The following FAF1 variants were observed in gnomAD, a reference collection of about 807,000 sequenced individuals.
FAF1 encodes Fas associated factor 1, also known as FAS-associated factor 1.
In FAF1, 25 loss-of-function variants were observed where a neutral mutation model predicts 92.5. The observed-to-expected ratio is 0.27, with a 90% CI of 0.20 to 0.38. The LOEUF is 0.38. Among genes scored for constraint, FAF1 ranks in the 10% least tolerant of loss-of-function variants. The pLI is 1.00. For synonymous variants in FAF1, 234 were observed against 273.2 expected (o/e 0.86, Z 1.42); for missense variants, 636 against 793.3 (o/e 0.80, Z 2.38).
intron 2 of FAF1, among the ~76,000 whole-genome samples, chr1:50,808,598 A>G (rs1445044396): frequency 6.6e-6 from 1 of 151,920 alleles, no homozygotes; most frequent in East Asian, 1.9e-4. Flanking sequence ...CAAAAACTCA[A>G]CAAAGCAGAG....
intron 4 of FAF1, among the ~76,000 whole-genome samples, chr1:50,752,233 A>G (rs994094007): frequency 7.2e-5 from 11 of 152,092 alleles, no homozygotes; most frequent in African/African-American, 2.7e-4. Context: ...GGCCTCCCCA[A>G]AGTGCTAGGA....
chr1:50,762,209 A>G (rs1660356024), intron 4 of FAF1, among the ~76,000 whole-genome samples: 1 of 152,216 alleles, frequency 6.6e-6, no homozygotes, highest in Non-Finnish European at 1.5e-5. Context: ...CAAATGGAAG[A>G]ACATTCCATG....
chr1:50,936,502 G>A (rs1337220255), intron 1 of FAF1, among the ~76,000 whole-genome samples: 2 of 152,172 alleles, frequency 1.3e-5, no homozygotes, highest in Admixed American at 6.6e-5. Flanking sequence ...AATGACGTAA[G>A]TTCAAGAAAA....
chr1:50,464,792 T>C (rs151066911), intron 18 of FAF1, among the ~76,000 whole-genome samples: 7 of 152,318 alleles, frequency 4.6e-5, no homozygotes, highest in Non-Finnish European at 8.8e-5. Context: ...ACTTGAAAGA[T>C]GAAGTAGCTG....
chr1:50,606,489 C>CTTTTTTT (rs34498946), intron 8 of FAF1, among the ~76,000 whole-genome samples: 3 of 58,556 alleles, frequency 5.1e-5, no homozygotes, highest in Non-Finnish European at 9.4e-5. Flanking sequence ...GTGAGAGTTG[C>CTTTTTTT]TTTTTTTTTT....
chr1:50,607,293 G>A (rs901820556), intron 8 of FAF1, among the ~76,000 whole-genome samples: 20 of 152,100 alleles, frequency 1.3e-4, no homozygotes, highest in Non-Finnish European at 2.2e-4. Context: ...CAAAGGACCT[G>A]GGTTAAAACT....
intron 18 of FAF1, among the ~76,000 whole-genome samples, chr1:50,465,815 A>G (rs1417785143): frequency 6.6e-6 from 1 of 152,192 alleles, no homozygotes; most frequent in Non-Finnish European, 1.5e-5. Flanking sequence ...AGCACTATCT[A>G]GAGGAAGACT....
At chr1:50,852,110 A>G (rs934828390) in intron 2 of FAF1, among the ~76,000 whole-genome samples, 2 of 152,200 alleles carry the variant, frequency 1.3e-5, no homozygotes, top group Non-Finnish European at 2.9e-5. Flanking sequence ...TAGAAAAAAA[A>G]TGCAAAGAAA....
chr1:50,571,423 C>T (rs1314241705), intron 12 of FAF1, among the ~76,000 whole-genome samples: 2 of 152,134 alleles, frequency 1.3e-5, no homozygotes, highest in African/African-American at 2.4e-5. Context: ...TTGTAAGCAT[C>T]GCAGATAATG....
At chr1:50,552,066 G>A (rs114827875) in intron 13 of FAF1, among the ~76,000 whole-genome samples, 2,026 of 152,118 alleles carry the variant, frequency 0.013, 43 homozygotes, top group African/African-American at 0.045. Flanking sequence ...TTGCCAAGGC[G>A]GGCGGATCAC....
At chr1:50,863,420 G>A (rs1644452302) in intron 1 of FAF1, among the ~76,000 whole-genome samples, 2 of 151,742 alleles carry the variant, frequency 1.3e-5, no homozygotes, top group Non-Finnish European at 2.9e-5. Context: ...GTCTCAAAGA[G>A]CACAAATAGA....
At chr1:50,749,855 G>A (rs1483589940) in intron 4 of FAF1, among the ~76,000 whole-genome samples, 1 of 151,572 alleles carries the variant, frequency 6.6e-6, no homozygotes, top group African/African-American at 2.4e-5. Flanking sequence ...AATGACAACC[G>A]TAGAACAAAC....
intron 1 of FAF1, among the ~76,000 whole-genome samples, chr1:50,930,706 G>A (rs1403779757): frequency 1.3e-5 from 2 of 152,068 alleles, no homozygotes; most frequent in African/African-American, 4.8e-5. Context: ...ATGGTGGCGG[G>A]TGCCTGTAGT....
chr1:50,532,798 A>G (rs1375935495), intron 15 of FAF1, among the ~76,000 whole-genome samples: 1 of 152,060 alleles, frequency 6.6e-6, no homozygotes, highest in Admixed American at 6.6e-5. Flanking sequence ...AAAATATTTT[A>G]AAATTTATCT....
At chr1:50,953,646 G>A (rs766484650) in intron 1 of FAF1, among the ~76,000 whole-genome samples, 15 of 151,854 alleles carry the variant, frequency 9.9e-5, no homozygotes, top group Non-Finnish European at 1.9e-4. Flanking sequence ...GGCTGAGGGA[G>A]GAGAATCGCT....
intron 15 of FAF1, among the ~76,000 whole-genome samples, chr1:50,522,118 T>C (rs2149030274): frequency 6.6e-6 from 1 of 152,324 alleles, no homozygotes; most frequent in South Asian, 2.1e-4. Context: ...AAGAGAAACT[T>C]TCTTATTCTA....
chr1:50,663,329 G>A (rs1357292730), intron 7 of FAF1, among the ~76,000 whole-genome samples: 1 of 151,470 alleles, frequency 6.6e-6, no homozygotes, highest in South Asian at 2.1e-4. Context: ...TGAGTGCCCA[G>A]CAATCTCTGT....
chr1:50,869,490 G>C (rs879369513), intron 1 of FAF1, among the ~76,000 whole-genome samples: 2 of 151,942 alleles, frequency 1.3e-5, no homozygotes, highest in Admixed American at 1.3e-4. Flanking sequence ...GTTTGTTGTT[G>C]CATGTTTTAG....
At chr1:50,949,362 C>T (rs542538702) in intron 1 of FAF1, among the ~76,000 whole-genome samples, 6 of 152,336 alleles carry the variant, frequency 3.9e-5, no homozygotes, top group African/African-American at 1.4e-4. Context: ...TCTTTACTAT[C>T]GGGCGATGCC....
Sources: allele counts gnomAD v4.1 joint callset (sites outside exome capture counted in the v4.1 genomes callset), GRCh38; gene constraint gnomAD v4.1.1; transcripts MANE v1.5; gene names NCBI Gene and HGNC (gene_info 2026-07-23, HGNC 2026-07-21).